Variants in PDGFB observed in about 807,000 individuals in gnomAD.
PDGFB encodes the protein platelet derived growth factor subunit B, also known as platelet-derived growth factor subunit B.
In PDGFB, 6 loss-of-function variants were observed where a neutral mutation model predicts 29.0. That is an observed-to-expected ratio of 0.21 (90% CI 0.11 to 0.41). PDGFB has a LOEUF of 0.41. Ranked by LOEUF, PDGFB falls within the 10% of genes least tolerant of loss-of-function variation. The pLI, the probability that PDGFB is intolerant of heterozygous loss-of-function variation, is 1.00. For synonymous variants in PDGFB, 144 were observed against 140.8 expected (o/e 1.02, Z -0.16); for missense variants, 299 against 341.8 (o/e 0.87, Z 0.99).
intron 1 of PDGFB, among the ~76,000 whole-genome samples, chr22:39,239,846 G>C (rs1431371395): frequency 8.2e-6 from 1 of 121,520 alleles, no homozygotes; most frequent in Non-Finnish European, 1.8e-5. Flanking sequence ...CCCTCCTCCT[G>C]GGCCCAGCAC....
At chr22:39,241,809 C>T (rs962780321) in intron 1 of PDGFB, among the ~76,000 whole-genome samples, 9 of 152,066 alleles carry the variant, frequency 5.9e-5, no homozygotes, top group Non-Finnish European at 1.3e-4. Context: ...AGCTCAGTGC[C>T]CCTCAGAGTC....
chr22:39,229,749 G>A (rs1459865700), intron 5 of PDGFB, among the ~76,000 whole-genome samples: 1 of 152,192 alleles, frequency 6.6e-6, no homozygotes, highest in Admixed American at 6.5e-5. Flanking sequence ...CTAGGCTTGT[G>A]GAGAGCTGGG....
intron 5 of PDGFB, among the ~76,000 whole-genome samples, chr22:39,227,145 G>T (rs1392415208): frequency 6.6e-6 from 1 of 152,152 alleles, no homozygotes; most frequent in African/African-American, 2.4e-5. Context: ...TTTTAGTAGA[G>T]ATGGGGTTTC....
intron 5 of PDGFB, among the ~76,000 whole-genome samples, chr22:39,228,925 C>T (rs1343767324): frequency 1.4e-5 from 2 of 142,822 alleles, no homozygotes; most frequent in African/African-American, 5.0e-5. Context: ...TATAATTTTC[C>T]CTTAATAGAG....
Position 39,242,360 on chromosome 22 carries a change from G to A in PDGFB, c.63+1541C>T, listed in dbSNP as rs1218607628. ...CGGAGAGCAGCCACGGGGCGCCGCC[G>A]TTCCCAGGACGCCCTGGCACCGGGC... On this transcript the variant is annotated intron_variant, in intron 1 of 6. Coordinates refer to ENST00000331163, the MANE Select transcript of PDGFB (RefSeq NM_002608.4). This position sits in a 1 kb window ranked among gnomAD's most constrained non-coding sequence, Gnocchi z 5.7. 4.3e-5 allele frequency: 9 copies of A among 206,902 alleles called. No individual in the cohort carries two copies. In the East Asian group the frequency reaches 5.8e-4, roughly 13 times the overall value. 12.8% of individuals were successfully genotyped at this position (206,902 alleles called of 1,614,324 possible).
At chr22:39,234,852 G>A (rs1379797122) in intron 2 of PDGFB, among the ~76,000 whole-genome samples, 2 of 152,216 alleles carry the variant, frequency 1.3e-5, no homozygotes, top group African/African-American at 4.8e-5. Context: ...GTAAAGGCTT[G>A]GAAAGAAATG....
chr22:39,232,733 C>G (rs189055806), intron 3 of PDGFB, among the ~76,000 whole-genome samples: 8 of 152,258 alleles, frequency 5.3e-5, no homozygotes, highest in Non-Finnish European at 8.8e-5. Context: ...CGTGATCTGC[C>G]TGCCTCAGCC....
At chr22:39,235,389 C>T (rs984483327) in intron 2 of PDGFB, among the ~76,000 whole-genome samples, 4 of 152,200 alleles carry the variant, frequency 2.6e-5, no homozygotes, top group Non-Finnish European at 4.4e-5. Context: ...CAGGTGTCCC[C>T]AGGGGACCTC....
In PDGFB at chr22:39,243,269, TCTCTTTCTCTC is replaced by T. The variant is rs1569141013; in HGVS notation, c.63+621_63+631del. ...CTCTCTCCGTCTCTCTCTCTCTCTC[TCTCTTTCTCTC>T]TCTCTCTCTCTCTCTCCCTGTTACT... On this transcript the variant is annotated intron_variant, in intron 1 of 6. Transcript: ENST00000331163. This position sits in a 1 kb window ranked among gnomAD's most constrained non-coding sequence, Gnocchi z 6.4. Among the ~76,000 whole-genome samples, 5 of 142,726 alleles carry T rather than the reference TCTCTTTCTCTC, an allele frequency of 3.5e-5. No homozygotes were observed. Among genetic ancestry groups the T allele is most frequent in the Admixed American group, 6.9e-5 (1 of 14,440 alleles). 93.6% of individuals were successfully genotyped at this position (142,726 alleles called of 152,430 possible).
chr22:39,232,941 C>T (rs1375282509), intron 3 of PDGFB, among the ~76,000 whole-genome samples: 1 of 152,216 alleles, frequency 6.6e-6, no homozygotes, highest in Admixed American at 6.5e-5. Flanking sequence ...TCCTTTAGGT[C>T]TCTGCAAGGG....
rs1932615333 is a variant in PDGFB at position 39,243,273 on chromosome 22, TTTC to T, written c.63+625_63+627del. ...CTCCGTCTCTCTCTCTCTCTCTCTC[TTTC>T]TCTCTCTCTCTCTCTCTCTCCCTGT... On this transcript the variant is annotated intron_variant, in intron 1 of 6. Transcript: ENST00000331163. This position sits in a 1 kb window ranked among gnomAD's most constrained non-coding sequence, Gnocchi z 6.4. Among the ~76,000 whole-genome samples the T allele has an allele frequency of 7.2e-5, 10 of 139,720 alleles. No homozygotes were observed. Among genetic ancestry groups the T allele is most frequent in the African/African-American group, 2.6e-4 (10 of 38,792 alleles). 91.7% of individuals were successfully genotyped at this position (139,720 alleles called of 152,430 possible). A position where few individuals can be genotyped will look rare whatever the true frequency, so the allele number is the denominator to read the frequency against.
intron 5 of PDGFB, 62 bp downstream of exon 5, chr22:39,230,022 G>T: frequency 4.5e-6 from 7 of 1,567,818 alleles, no homozygotes; most frequent in Non-Finnish European, 6.1e-6. Context: ...TTTAAGACCG[G>T]CCCCTGCCCC....
intron 5 of PDGFB, among the ~76,000 whole-genome samples, chr22:39,227,020 G>A (rs113960018): frequency 0.013 from 1,913 of 152,332 alleles, 47 homozygotes; most frequent in African/African-American, 0.043. Context: ...GTGCAGTGGC[G>A]CGATCTCAGC....
intron 2 of PDGFB, among the ~76,000 whole-genome samples, chr22:39,233,757 A>C (rs1412633329): frequency 6.6e-6 from 1 of 152,100 alleles, no homozygotes; most frequent in Non-Finnish European, 1.5e-5. Context: ...TTTAGCCAAC[A>C]TTTTTGGCCA....
intron 5 of PDGFB, among the ~76,000 whole-genome samples, chr22:39,228,161 C>A (rs992471382): frequency 7.9e-6 from 1 of 127,162 alleles, no homozygotes; most frequent in Admixed American, 7.5e-5. Flanking sequence ...ACAGAAACAC[C>A]GTCATACTCA....
chr22:39,234,964 C>A (rs373097556), intron 2 of PDGFB, among the ~76,000 whole-genome samples: 3 of 152,274 alleles, frequency 2.0e-5, no homozygotes, highest in Non-Finnish European at 1.5e-5. Flanking sequence ...GGGGCCCTGG[C>A]GAACAATAGG....
At position 39,235,814 on chromosome 22, in the gene PDGFB, C is replaced by G; in HGVS notation, c.124G>C (p.Asp42His). 6.2e-7 allele frequency: 1 copy of G among 1,614,050 alleles called. No homozygotes were observed. Among genetic ancestry groups the G allele is most frequent in the Non-Finnish European group, 8.5e-7 (1 of 1,179,984 alleles). ...MLSDHSIRSF[D>H]DLQRLLHGDP... ...CCGTGCAGCAGGCGTTGGAGATCAT[C>G]AAAGGAGCGGATCGAGTGGTCACTC... The change falls in exon 2 of 7, where the codon GAT becomes CAT. Residue 42 changes from aspartate (D) to histidine (H), a missense_variant. Physicochemically the swap from Asp to His is moderately conservative, Grantham distance 81. Transcript: ENST00000331163.
In PDGFB at chr22:39,227,025, C is replaced by T. The variant is rs184336744; in HGVS notation, c.602-1178G>A. Among the ~76,000 whole-genome samples, 3 of 152,392 alleles carry T rather than the reference C, an allele frequency of 2.0e-5. No individual in the cohort carries two copies. In the East Asian group the frequency reaches 5.8e-4, roughly 29 times the overall value. ...CCAGGTTGGAGTGCAGTGGCGCGAT[C>T]TCAGCTCACTGCAACCTCCACCTCG... On this transcript the variant is annotated intron_variant, in intron 5 of 6. Coordinates refer to ENST00000331163, the MANE Select transcript of PDGFB (RefSeq NM_002608.4).
chr22:39,240,575 C>T (rs1224683479), intron 1 of PDGFB, among the ~76,000 whole-genome samples: 2 of 152,060 alleles, frequency 1.3e-5, no homozygotes, highest in African/African-American at 2.4e-5. Flanking sequence ...CAGAGCAAAG[C>T]GAGGACTCAG....
Sources: gnomAD v4.1 joint callset for allele counts (sites outside exome capture counted in the v4.1 genomes callset) on GRCh38, gnomAD v4.1.1 for gene constraint, Gnocchi (gnomAD v3.1) non-coding constraint, MANE v1.5 for transcripts, NCBI Gene and HGNC (gene_info 2026-07-23, HGNC 2026-07-21) for gene names.